The following TMEM131L variants were observed in gnomAD, a reference collection of about 807,000 sequenced individuals.
The protein encoded by TMEM131L is transmembrane 131 like, also known as transmembrane protein 131-like.
In TMEM131L, 54 loss-of-function variants were observed where a neutral mutation model predicts 192.2. The ratio of observed to expected loss-of-function variants is 0.28; its 90% CI spans 0.23 to 0.35. The LOEUF is 0.35. Among genes scored for constraint, TMEM131L ranks in the 10% least tolerant of loss-of-function variants. The probability of loss-of-function intolerance (pLI) is 1.00; values close to 1 mark genes in which losing one functional copy is unlikely to be tolerated. For missense variants in TMEM131L, 1,888 were observed against 1,972.9 expected, an observed-to-expected ratio of 0.96 and a Z score of 0.82; for synonymous variants, 701 against 704.9, an observed-to-expected ratio of 0.99 and a Z score of 0.09.
At position 153,596,332 on chromosome 4, in the gene TMEM131L, C is replaced by T. The variant is rs143841084; in HGVS notation, c.2070C>T (p.Gly690=). ...AGCCTTTGGAAATGAAAAGGGTTGG[C>T]GTAGTTTTCACACCTGCTGACTATG... The part of the protein sequence containing the change: ...HLQPLEMKRV[G]VVFTPADYGK... The change falls in exon 20 of 35, where the codon GGC becomes GGT. Residue 690 remains glycine, a synonymous_variant. Coordinates refer to ENST00000409959, the MANE Select transcript of TMEM131L (RefSeq NM_001131007.2). The T allele has an allele frequency of 1.4e-5, 23 of 1,613,820 alleles. No homozygotes were observed. The highest frequency in any genetic ancestry group is 6.7e-5 in the African/African-American group (5 of 74,916).
chr4:153,618,171 A>G (rs1387700154), intron 26 of TMEM131L, among the ~76,000 whole-genome samples: 1 of 152,060 alleles, frequency 6.6e-6, no homozygotes, highest in Admixed American at 6.6e-5. Context: ...GTTTCTCCAC[A>G]CTGCCATCTG....
chr4:153,468,995 AT>A (rs987195314), intron 2 of TMEM131L, among the ~76,000 whole-genome samples: 4 of 152,178 alleles, frequency 2.6e-5, no homozygotes, highest in Admixed American at 1.3e-4. Context: ...TTAGTTGAAG[AT>A]TTAGTAGGTG....
intron 25 of TMEM131L, among the ~76,000 whole-genome samples, chr4:153,604,698 T>C (rs56879880): frequency 0.042 from 6,434 of 152,228 alleles, 430 homozygotes; most frequent in African/African-American, 0.14. Flanking sequence ...GACACCTTTT[T>C]CTAATTTTAT....
At chr4:153,626,723 C>T (rs369163650) in intron 30 of TMEM131L, among the ~76,000 whole-genome samples, 1 of 152,238 alleles carries the variant, frequency 6.6e-6, no homozygotes, top group Non-Finnish European at 1.5e-5. Context: ...TATGATCACA[C>T]CACTACACTC....
intron 3 of TMEM131L, among the ~76,000 whole-genome samples, chr4:153,543,381 T>C (rs951030739): frequency 6.6e-6 from 1 of 152,244 alleles, no homozygotes; most frequent in Non-Finnish European, 1.5e-5. Context: ...AAAAAACGAC[T>C]TGTACTAAGA....
chr4:153,603,859 G>A lies in TMEM131L; in HGVS notation c.2847G>A (p.Lys949=). 6.2e-7 allele frequency: 1 copy of A among 1,613,052 alleles called. No homozygotes were observed. Among genetic ancestry groups the A allele is most frequent in the Non-Finnish European group, 8.5e-7 (1 of 1,179,574 alleles). Reference sequence around the variant, plus strand: ...GCCCCTCTGATAAAGGCAGGGGGAAGAACTGCCTTCCAGTGAACACTCCCC... The same window carrying A: ...GCCCCTCTGATAAAGGCAGGGGGAAAAACTGCCTTCCAGTGAACACTCCCC... ...TYGPSDKGRG[K]NCLPVNTPQS... Residue 949 remains lysine (K), a synonymous_variant, in exon 25 of 35, where the codon AAG becomes AAA. Coordinates refer to ENST00000409959, the MANE Select transcript of TMEM131L (RefSeq NM_001131007.2).
chr4:153,584,976 GTTGTTTTCCCC>G, intron 12 of TMEM131L, 45 bp downstream of exon 12: 2 of 1,397,502 alleles, frequency 1.4e-6, no homozygotes, highest in Non-Finnish European at 2.0e-6. Context: ...GGTTGTTGTT[GTTGTTTTCCCC>G]TCTAGAAATG....
chr4:153,626,045 A>G, intron 29 of TMEM131L, 102 bp from the exon 30 acceptor site: 1 of 653,792 alleles, frequency 1.5e-6, no homozygotes, highest in African/African-American at 1.8e-5. Flanking sequence ...GTGAAAAATC[A>G]GTCATGCATT....
At chr4:153,621,955 G>C (rs1414670541) in intron 28 of TMEM131L, 106 bp downstream of exon 28, 4 of 1,095,606 alleles carry the variant, frequency 3.7e-6, no homozygotes, top group Non-Finnish European at 5.2e-6. Flanking sequence ...TATCTCTACA[G>C]GCAACTTAGC....
chr4:153,520,098 A>G (rs2150138648), intron 3 of TMEM131L, among the ~76,000 whole-genome samples: 1 of 152,224 alleles, frequency 6.6e-6, no homozygotes, highest in Non-Finnish European at 1.5e-5. Context: ...CTTTGAACAA[A>G]CACGGTCCAT....
intron 2 of TMEM131L, among the ~76,000 whole-genome samples, chr4:153,469,819 G>T (rs976717194): frequency 6.6e-6 from 1 of 151,978 alleles, no homozygotes; most frequent in East Asian, 1.9e-4. Context: ...CCAGCTGCTC[G>T]GGAGGCTGAG....
intron 3 of TMEM131L, among the ~76,000 whole-genome samples, chr4:153,524,033 AAG>A (rs1294370894): frequency 1.3e-5 from 2 of 152,210 alleles, no homozygotes; most frequent in Non-Finnish European, 2.9e-5. Context: ...GAAAAGAACA[AAG>A]AGAATAAAAG....
At position 153,585,453 on chromosome 4, in the gene TMEM131L, C is replaced by A; in HGVS notation, c.1158-5C>A. The A allele has an allele frequency of 6.2e-7, 1 of 1,613,620 alleles. No individual in the cohort carries two copies. The highest frequency in any genetic ancestry group is 8.5e-7 in the Non-Finnish European group (1 of 1,179,756). On this transcript the variant is annotated splice_polypyrimidine_tract_variant and splice_region_variant and intron_variant, in intron 12 of 34. Coordinates refer to ENST00000409959, the MANE Select transcript of TMEM131L (RefSeq NM_001131007.2). ...CCTGATAGCATGCATGTCGTCTGTT[C>A]ACAGGTATTTTAGAATGGACTCTTC...
At chr4:153,545,421 G>C (rs1314178571) in intron 3 of TMEM131L, among the ~76,000 whole-genome samples, 2 of 151,810 alleles carry the variant, frequency 1.3e-5, no homozygotes, top group East Asian at 3.9e-4. Flanking sequence ...CTGAGTAGCT[G>C]GGACTACAGG....
intron 2 of TMEM131L, among the ~76,000 whole-genome samples, chr4:153,472,537 CA>C (rs200691995): frequency 2.0e-5 from 3 of 148,362 alleles, no homozygotes; most frequent in East Asian, 2.0e-4. Context: ...TTACAGTAGA[CA>C]AAAAAAAACA....
intron 25 of TMEM131L, among the ~76,000 whole-genome samples, chr4:153,605,319 T>A (rs980775220): frequency 2.6e-5 from 4 of 152,244 alleles, no homozygotes; most frequent in African/African-American, 9.6e-5. Flanking sequence ...TCTTTTTTTG[T>A]CCACCCTGAC....
chr4:153,627,794 A>G, intron 31 of TMEM131L, 107 bp downstream of exon 31: 2 of 820,258 alleles, frequency 2.4e-6, no homozygotes, highest in Middle Eastern at 2.4e-4. Context: ...GGACAGGGCC[A>G]TTTCCCCACC....
intron 7 of TMEM131L, among the ~76,000 whole-genome samples, chr4:153,572,831 G>A (rs757770191): frequency 6.6e-6 from 1 of 152,050 alleles, no homozygotes; most frequent in Non-Finnish European, 1.5e-5. Context: ...ATCACCCCAA[G>A]GGGAAACTCC....
At position 153,550,056 on chromosome 4, in the gene TMEM131L, C is replaced by T. The variant is rs1322829324; in HGVS notation, c.240-17C>T. On this transcript the variant is annotated splice_polypyrimidine_tract_variant and intron_variant, in intron 3 of 34. Transcript: ENST00000409959. Reference sequence around the variant, plus strand: ...GTTAAAACTACAACAAAATCAACCTCTCTTTTCTTTTTTTAGCTTCTCGGA... The same window carrying T: ...GTTAAAACTACAACAAAATCAACCTTTCTTTTCTTTTTTTAGCTTCTCGGA... 1.5e-6 allele frequency: 2 copies of T among 1,367,350 alleles called. No homozygotes were observed. The highest frequency in any genetic ancestry group is 1.5e-5 in the African/African-American group (1 of 67,588). The allele number at this position is 1,367,350 out of a possible 1,614,324, so 84.7% of individuals were successfully genotyped here.
Sources: allele counts gnomAD v4.1 joint callset (sites outside exome capture counted in the v4.1 genomes callset), GRCh38; gene constraint gnomAD v4.1.1; transcripts MANE v1.5; gene names NCBI Gene and HGNC (gene_info 2026-07-23, HGNC 2026-07-21).